Variants in BLMH observed in about 807,000 individuals in gnomAD.
The protein encoded by BLMH is BLM hydrolase.
Under a neutral mutation model 61.6 loss-of-function variants are expected in BLMH, and 32 were observed. The ratio of observed to expected loss-of-function variants is 0.52; its 90% confidence interval spans 0.39 to 0.70. The LOEUF is 0.70. Among genes scored for constraint, BLMH ranks in the 30% least tolerant of loss-of-function variants. The pLI, the probability that BLMH is intolerant of heterozygous loss-of-function variation, is 0.00. For missense variants in BLMH, 460 were observed against 555.5 expected, an observed-to-expected ratio of 0.83 and a Z score of 1.73; for synonymous variants, 183 against 193.8, an observed-to-expected ratio of 0.94 and a Z score of 0.46.
chr17:30,288,023 G>A, intron 3 of BLMH, 76 bp from the exon 4 acceptor site: 1 of 1,395,442 alleles, frequency 7.2e-7, no homozygotes, highest in Non-Finnish European at 9.8e-7. Context: ...CAACAGAATG[G>A]GAGTCTTGGA....
chr17:30,277,367 T>C (rs979059761), intron 6 of BLMH, among the ~76,000 whole-genome samples: 3 of 152,226 alleles, frequency 2.0e-5, no homozygotes, highest in African/African-American at 7.2e-5. Flanking sequence ...ATGACAACTT[T>C]AGGCATCTGT....
At chr17:30,278,675 TG>T (rs202065083) in intron 6 of BLMH, among the ~76,000 whole-genome samples, 1 of 151,968 alleles carries the variant, frequency 6.6e-6, no homozygotes, top group East Asian at 1.9e-4. Context: ...ACTTTTTTTG[TG>T]GGGGGGAGCG....
chr17:30,266,767 A>G lies in BLMH; in HGVS notation c.1216+118T>C, dbSNP rs1188911288. 3.3e-6 allele frequency: 3 copies of G among 895,602 alleles called. No individual in the cohort carries two copies. In the African/African-American group the frequency reaches 5.0e-5, roughly 15 times the overall value. The allele number at this position is 895,602 out of a possible 1,614,324, so 55.5% of individuals were successfully genotyped here. A position where few individuals can be genotyped will look rare whatever the true frequency, so the allele number is the denominator to read the frequency against. On this transcript the variant is annotated intron_variant, in intron 11 of 11. Coordinates refer to ENST00000261714, the MANE Select transcript of BLMH (RefSeq NM_000386.4). ...GATCCTCAGATTTTTCTGTAGAATA[A>G]TCTAGTCAGTGGAGCCAATTACTGA...
At chr17:30,288,123 G>A (rs1908782291) in intron 3 of BLMH, 176 bp from the exon 4 acceptor site, 2 of 591,242 alleles carry the variant, frequency 3.4e-6, no homozygotes. Flanking sequence ...CAGAGGCCAT[G>A]CTAATCTTTT....
intron 11 of BLMH, among the ~76,000 whole-genome samples, chr17:30,259,796 G>GT (rs1907909934): frequency 6.6e-6 from 1 of 152,124 alleles, no homozygotes; most frequent in African/African-American, 2.4e-5. Context: ...ACTGCTAATG[G>GT]TTTTTTCTCA....
chr17:30,288,803 C>T (rs963166679), intron 3 of BLMH, among the ~76,000 whole-genome samples: 1 of 152,022 alleles, frequency 6.6e-6, no homozygotes, highest in Admixed American at 6.6e-5. Flanking sequence ...CCTGTCTCTA[C>T]TAAAAATACA....
chr17:30,259,126 T>A (rs1248973316), intron 11 of BLMH, among the ~76,000 whole-genome samples: 1 of 152,236 alleles, frequency 6.6e-6, no homozygotes, highest in Non-Finnish European at 1.5e-5. Flanking sequence ...CTTATTCTTG[T>A]GTTTATGTTT....
intron 9 of BLMH, chr17:30,272,227 A>T: frequency 1.1e-5 from 3 of 283,748 alleles, no homozygotes. Flanking sequence ...GGCTCTGGAA[A>T]ATCTTTCATT....
At position 30,287,806 on chromosome 17, in the gene BLMH, C is replaced by G; in HGVS notation, c.463G>C (p.Glu155Gln). Residue 155 changes from glutamate to glutamine, a missense_variant and splice_region_variant, in exon 4 of 12, where the codon GAA (glutamate) becomes CAA (glutamine). By Grantham distance (29) the Glu-to-Gln change is conservative. Coordinates refer to ENST00000261714, the MANE Select transcript of BLMH (RefSeq NM_000386.4). Reference protein sequence around the residue: ...GQWDMLVNIVEKYGVIPKKCF... With the variant: ...GQWDMLVNIVQKYGVIPKKCF... ...GTTCCATTAAAGAAAGAACTTTTAC[C>G]AACAATATTAACAAGCATATCCCAT... 1 of 1,613,056 alleles carries G rather than the reference C, an allele frequency of 6.2e-7. No homozygotes were observed. Among genetic ancestry groups the G allele is most frequent in the Non-Finnish European group, 8.5e-7 (1 of 1,179,686 alleles).
intron 4 of BLMH, among the ~76,000 whole-genome samples, chr17:30,287,378 T>G (rs143755061): frequency 6.6e-6 from 1 of 152,330 alleles, no homozygotes; most frequent in East Asian, 1.9e-4. Flanking sequence ...CCTTTTTATC[T>G]ACTATACTTT....
At chr17:30,273,145 C>T (rs2143022067) in intron 7 of BLMH, 1 of 408,014 alleles carries the variant, frequency 2.5e-6, no homozygotes, top group Admixed American at 4.1e-5. Context: ...TTCCTACTAG[C>T]AAGAACTGCT....
At chr17:30,283,030 TG>T (rs1291054450) in intron 6 of BLMH, among the ~76,000 whole-genome samples, 1 of 152,140 alleles carries the variant, frequency 6.6e-6, no homozygotes, top group East Asian at 1.9e-4. Context: ...GAGCTGGGCA[TG>T]GTGGCATGCA....
intron 11 of BLMH, 65 bp downstream of exon 11, chr17:30,266,820 C>T: frequency 1.4e-6 from 2 of 1,433,786 alleles, no homozygotes; most frequent in East Asian, 2.3e-5. Flanking sequence ...AGCAGCTTGA[C>T]ACCCAGACAG....
chr17:30,255,028 A>C (rs1039230869), intron 11 of BLMH, among the ~76,000 whole-genome samples: 2 of 152,248 alleles, frequency 1.3e-5, no homozygotes, highest in Non-Finnish European at 2.9e-5. Context: ...AAACACGTTT[A>C]ATCAGTCCCC....
intron 11 of BLMH, 102 bp from the exon 12 acceptor site, chr17:30,249,270 T>C: frequency 8.1e-7 from 1 of 1,241,782 alleles, no homozygotes; most frequent in Non-Finnish European, 1.1e-6. Flanking sequence ...TATTCATACA[T>C]ATTTTTCAGC....
intron 11 of BLMH, among the ~76,000 whole-genome samples, chr17:30,253,446 C>A (rs1226825013): frequency 1.3e-5 from 2 of 152,172 alleles, no homozygotes; most frequent in Admixed American, 6.5e-5. Flanking sequence ...GTCTAGGTAG[C>A]TGCCAAGTAA....
intron 6 of BLMH, among the ~76,000 whole-genome samples, chr17:30,279,680 T>C (rs1908529661): frequency 6.6e-6 from 1 of 152,200 alleles, no homozygotes; most frequent in South Asian, 2.1e-4. Context: ...CTCATGCCTG[T>C]AATCCCAGCA....
intron 2 of BLMH, among the ~76,000 whole-genome samples, chr17:30,290,604 G>C (rs1908858612): frequency 6.6e-6 from 1 of 152,200 alleles, no homozygotes; most frequent in Non-Finnish European, 1.5e-5. Flanking sequence ...AGACTGGGGG[G>C]TCGTTTTTAA....
At chr17:30,269,053 A>C (rs1038752328) in intron 10 of BLMH, among the ~76,000 whole-genome samples, 5 of 151,582 alleles carry the variant, frequency 3.3e-5, no homozygotes, top group Non-Finnish European at 5.9e-5. Context: ...AAAAACAAAA[A>C]AACAACAACA....
Sources: allele counts gnomAD v4.1 joint callset (sites outside exome capture counted in the v4.1 genomes callset), GRCh38; gene constraint gnomAD v4.1.1; transcripts MANE v1.5; gene names NCBI Gene and HGNC (gene_info 2026-07-23, HGNC 2026-07-21).